The following ANO1 variants were observed in gnomAD, a reference collection of about 807,000 sequenced individuals.
ANO1 encodes anoctamin-1.
In ANO1, 59 loss-of-function variants were observed where a neutral mutation model predicts 124.0. The observed-to-expected ratio is 0.48, with a 90% CI of 0.39 to 0.59. ANO1 has a LOEUF of 0.59. Ranked by LOEUF, ANO1 falls within the 20% of genes least tolerant of loss-of-function variation. The pLI, the probability that ANO1 is intolerant of heterozygous loss-of-function variation, is 0.00. For missense variants in ANO1, 1,059 were observed against 1,328.0 expected, an observed-to-expected ratio of 0.80 and a Z score of 3.15; for synonymous variants, 529 against 532.0, an observed-to-expected ratio of 0.99 and a Z score of 0.08.
chr11:70,100,607 C>A (rs1023482354), intron 2 of ANO1, among the ~76,000 whole-genome samples: 1 of 152,300 alleles, frequency 6.6e-6, no homozygotes, highest in South Asian at 2.1e-4. Context: ...AGAATGAACA[C>A]CCACTTTGGG....
At chr11:70,124,570 G>T (rs2046417187) in intron 9 of ANO1, among the ~76,000 whole-genome samples, 156 bp downstream of exon 9, 1 of 152,210 alleles carries the variant, frequency 6.6e-6, no homozygotes, top group African/African-American at 2.4e-5. Context: ...TCCCTGCAGG[G>T]CTGAGAGCCT....
At chr11:70,082,435 C>T (rs2135188260) in intron 1 of ANO1, among the ~76,000 whole-genome samples, 1 of 152,280 alleles carries the variant, frequency 6.6e-6, no homozygotes, top group Non-Finnish European at 1.5e-5. Context: ...TGGTATGCAC[C>T]TGTAATCCCA....
intron 1 of ANO1, chr11:70,085,632 T>C: frequency 1.3e-6 from 2 of 1,532,216 alleles, no homozygotes; most frequent in Non-Finnish European, 8.7e-7. Flanking sequence ...TAACCAGGGG[T>C]AGAGGAGTCT....
At chr11:70,109,176 C>A (rs2045673344) in intron 6 of ANO1, among the ~76,000 whole-genome samples, 1 of 152,154 alleles carries the variant, frequency 6.6e-6, no homozygotes, top group African/African-American at 2.4e-5. Flanking sequence ...GGCCATGGCT[C>A]CCGGGGGACA....
upstream of ANO1, among the ~76,000 whole-genome samples, chr11:70,076,438 T>A (rs1555010022): frequency 1.3e-5 from 2 of 151,928 alleles, no homozygotes; most frequent in Non-Finnish European, 2.9e-5. Context: ...TTACTCTTTT[T>A]TTTTTTTCAT....
At chr11:70,172,279 G>T (rs1201311294) in intron 22 of ANO1, among the ~76,000 whole-genome samples, 1 of 151,990 alleles carries the variant, frequency 6.6e-6, no homozygotes. Flanking sequence ...GAGGGTGAGG[G>T]GTATGGGAGC....
At chr11:70,040,109 T>A (rs1565166824) in intron 1 of ANO1, among the ~76,000 whole-genome samples, 2 of 152,124 alleles carry the variant, frequency 1.3e-5, no homozygotes, top group Non-Finnish European at 2.9e-5. Context: ...AAGAACGTGA[T>A]CACCCTGCCA....
chr11:69,976,182 A>G, the ANO1 span, among the ~76,000 whole-genome samples: 1 of 152,126 alleles, frequency 6.6e-6, no homozygotes, highest in African/African-American at 2.4e-5. Flanking sequence ...CAACTGTATC[A>G]AGTTAAAATG....
chr11:69,982,070 A>T (rs1855964598), upstream of ANO1, among the ~76,000 whole-genome samples: 1 of 152,094 alleles, frequency 6.6e-6, no homozygotes, highest in African/African-American at 2.4e-5. Context: ...TTCGAGCTGT[A>T]CTCTGCGGGA....
At chr11:70,128,167 C>T (rs1466128315) in intron 10 of ANO1, among the ~76,000 whole-genome samples, 1 of 150,568 alleles carries the variant, frequency 6.6e-6, no homozygotes, top group Non-Finnish European at 1.5e-5. Flanking sequence ...TCCACCCCAC[C>T]CCCACCCCCG....
chr11:70,124,734 C>A (rs2046425614), intron 9 of ANO1, among the ~76,000 whole-genome samples: 1 of 152,140 alleles, frequency 6.6e-6, no homozygotes, highest in Non-Finnish European at 1.5e-5. Context: ...AAGGAAAGAG[C>A]TGCCTCAAAT....
intron 1 of ANO1, among the ~76,000 whole-genome samples, chr11:69,997,741 T>G (rs1305650310): frequency 6.6e-6 from 1 of 152,170 alleles, no homozygotes; most frequent in African/African-American, 2.4e-5. Context: ...TAGTGAGTTC[T>G]CACGAACCAG....
At chr11:69,969,537 C>T in the ANO1 span, among the ~76,000 whole-genome samples, 1 of 152,190 alleles carries the variant, frequency 6.6e-6, no homozygotes, top group East Asian at 1.9e-4. Context: ...TCTCTTTAGA[C>T]TAGGAACCTG....
chr11:70,033,466 C>G (rs1193383144), intron 1 of ANO1, among the ~76,000 whole-genome samples: 2 of 152,222 alleles, frequency 1.3e-5, no homozygotes, highest in Non-Finnish European at 2.9e-5. Flanking sequence ...TCCCTCCAGG[C>G]TCCTGCCTTG....
intron 1 of ANO1, among the ~76,000 whole-genome samples, chr11:69,995,860 A>C (rs1856260026): frequency 6.6e-6 from 1 of 152,142 alleles, no homozygotes; most frequent in Non-Finnish European, 1.5e-5. Context: ...TAATCCCAGC[A>C]CTTTGGGAGG....
chr11:70,145,073 C>T (rs1405309936), intron 11 of ANO1, among the ~76,000 whole-genome samples: 2 of 152,192 alleles, frequency 1.3e-5, no homozygotes, highest in African/African-American at 2.4e-5. Flanking sequence ...GGAATCGGAA[C>T]TCGTGTGGGT....
intron 12 of ANO1, 144 bp downstream of exon 12, chr11:70,149,936 C>T (rs540961083): frequency 2.4e-6 from 2 of 817,550 alleles, no homozygotes; most frequent in Middle Eastern, 3.3e-4. Flanking sequence ...ATCCCCCACC[C>T]CCTGCCTGCC....
intron 1 of ANO1, among the ~76,000 whole-genome samples, chr11:70,028,652 A>G (rs11237197): frequency 0.31 from 46,886 of 151,746 alleles, 7,837 homozygotes; most frequent in Admixed American, 0.38. Flanking sequence ...TTCTCCTAAT[A>G]GGGCCTCCTT....
intron 2 of ANO1, among the ~76,000 whole-genome samples, chr11:70,092,930 C>T (rs2044689105): frequency 6.6e-6 from 1 of 152,186 alleles, no homozygotes; most frequent in South Asian, 2.1e-4. Flanking sequence ...CAGGACAGCA[C>T]TGCAGGGCAG....
Sources: gnomAD v4.1 joint callset for allele counts (sites outside exome capture counted in the v4.1 genomes callset) on GRCh38, gnomAD v4.1.1 for gene constraint, MANE v1.5 for transcripts, NCBI Gene and HGNC (gene_info 2026-07-23, HGNC 2026-07-21) for gene names.